KLHL29: variants seen among roughly 807,000 people sequenced by gnomAD.
The protein encoded by KLHL29 is kelch like family member 29, also known as kelch-like protein 29.
A neutral mutation model predicts 80.4 loss-of-function variants in KLHL29; 21 were observed. The ratio of observed to expected loss-of-function variants is 0.26; its 90% CI spans 0.19 to 0.38. The LOEUF is 0.38. Ranked by LOEUF, KLHL29 falls within the 10% of genes least tolerant of loss-of-function variation. The probability of loss-of-function intolerance (pLI) is 1.00; values close to 1 mark genes in which losing one functional copy is unlikely to be tolerated. For missense variants in KLHL29, 867 were observed against 1,223.9 expected, an observed-to-expected ratio of 0.71 and a Z score of 4.35; for synonymous variants, 511 against 526.8, an observed-to-expected ratio of 0.97 and a Z score of 0.41.
chr2:23,593,798 A>C (rs1483077133), intron 3 of KLHL29, among the ~76,000 whole-genome samples: 1 of 152,182 alleles, frequency 6.6e-6, no homozygotes, highest in African/African-American at 2.4e-5. Context: ...CAAGGCAGTG[A>C]ATTCTAAGGG....
intron 5 of KLHL29, among the ~76,000 whole-genome samples, chr2:23,659,882 A>C (rs946440353): frequency 1.3e-5 from 2 of 151,672 alleles, no homozygotes; most frequent in African/African-American, 4.8e-5. Flanking sequence ...CTCCATGGTC[A>C]GAGCAATCTT....
At position 23,691,803 on chromosome 2, in the gene KLHL29, C is replaced by T. The variant is rs375068550; in HGVS notation, c.1209C>T (p.Asn403=). 3.6e-4 allele frequency: 564 copies of T among 1,551,650 alleles called. 1 individual carries two copies. In the African/African-American group the frequency reaches 5.4e-3, roughly 15 times the overall value. ...GCTCCCTGGTCATCGACTCGGCCAA[C>T]GCCAAGACACTGCTGGAGGCGGCCA... ...YTGSLVIDSA[N]AKTLLEAASK... is the part of the protein sequence containing the mutation. Residue 403 remains asparagine, a synonymous_variant, in exon 7 of 14, where the codon AAC becomes AAT. Transcript: ENST00000486442.
chr2:23,492,945 CCT>C (rs1480041460), intron 2 of KLHL29, among the ~76,000 whole-genome samples: 1 of 152,160 alleles, frequency 6.6e-6, no homozygotes, highest in Non-Finnish European at 1.5e-5. Context: ...TCAAGTCCTG[CCT>C]CTCTCCGTTG....
intron 5 of KLHL29, among the ~76,000 whole-genome samples, chr2:23,656,513 G>A (rs1377522699): frequency 1.3e-5 from 2 of 152,224 alleles, no homozygotes; most frequent in East Asian, 1.9e-4. Flanking sequence ...TCCTTCACCC[G>A]ACTTCTGGGG....
intron 1 of KLHL29, among the ~76,000 whole-genome samples, chr2:23,454,220 CCTG>C (rs1663973094): frequency 1.3e-5 from 2 of 152,124 alleles, no homozygotes; most frequent in Non-Finnish European, 2.9e-5. Context: ...AAGCTGGGCC[CCTG>C]ACCCTCCCGC....
intron 1 of KLHL29, among the ~76,000 whole-genome samples, chr2:23,437,442 T>A (rs377365973): frequency 6.6e-6 from 1 of 152,300 alleles, no homozygotes; most frequent in South Asian, 2.1e-4. Context: ...TTTACGTAGG[T>A]GACCTGGTTT....
chr2:23,592,808 G>A (rs1668301140), intron 3 of KLHL29, among the ~76,000 whole-genome samples: 3 of 152,316 alleles, frequency 2.0e-5, no homozygotes, highest in East Asian at 1.9e-4. Flanking sequence ...GCCCCCAAAG[G>A]GGAATGGAAG....
chr2:23,543,213 C>CA (rs1666892661), intron 2 of KLHL29, among the ~76,000 whole-genome samples: 1 of 152,132 alleles, frequency 6.6e-6, no homozygotes, highest in Non-Finnish European at 1.5e-5. Flanking sequence ...CCGAGTCACT[C>CA]GCACACACAT....
intron 3 of KLHL29, among the ~76,000 whole-genome samples, chr2:23,608,910 A>G (rs73919785): frequency 0.013 from 2,020 of 152,358 alleles, 45 homozygotes; most frequent in South Asian, 0.047. Flanking sequence ...TAAGGTGCAG[A>G]TAAGCAATTA....
At chr2:23,517,113 C>T (rs1427487923) in intron 2 of KLHL29, among the ~76,000 whole-genome samples, 2 of 152,222 alleles carry the variant, frequency 1.3e-5, no homozygotes, top group East Asian at 3.8e-4. Context: ...GCCCTGTCTC[C>T]CTGTGCCCGC....
intron 1 of KLHL29, among the ~76,000 whole-genome samples, chr2:23,417,387 T>A (rs1413661256): frequency 6.6e-6 from 1 of 152,224 alleles, no homozygotes; most frequent in African/African-American, 2.4e-5. Context: ...AAGTGAATCA[T>A]CTGCCTGCAA....
At chr2:23,553,229 C>A (rs960277388) in intron 2 of KLHL29, among the ~76,000 whole-genome samples, 4 of 152,250 alleles carry the variant, frequency 2.6e-5, no homozygotes, top group Non-Finnish European at 5.9e-5. Context: ...GGTCTGCACA[C>A]TGGCCCTGGC....
At chr2:23,504,481 G>A (rs1230053444) in intron 2 of KLHL29, among the ~76,000 whole-genome samples, 1 of 152,180 alleles carries the variant, frequency 6.6e-6, no homozygotes, top group Non-Finnish European at 1.5e-5. Context: ...GGGCAGCAAA[G>A]GCGGCTGTCT....
At chr2:23,572,001 A>G (rs1667727709) in intron 3 of KLHL29, among the ~76,000 whole-genome samples, 1 of 152,142 alleles carries the variant, frequency 6.6e-6, no homozygotes, top group African/African-American at 2.4e-5. Context: ...ACCCTGTCCT[A>G]TTATTCATTC....
At chr2:23,486,290 A>T (rs1422774387) in intron 2 of KLHL29, among the ~76,000 whole-genome samples, 1 of 151,926 alleles carries the variant, frequency 6.6e-6, no homozygotes, top group African/African-American at 2.4e-5. Flanking sequence ...TGAACTCCTG[A>T]TCAGCACACA....
At chr2:23,533,045 A>C (rs1380174617) in intron 2 of KLHL29, among the ~76,000 whole-genome samples, 1 of 152,148 alleles carries the variant, frequency 6.6e-6, no homozygotes, top group Non-Finnish European at 1.5e-5. Context: ...CTGGTCTTTG[A>C]CGAGTTCAAG....
Position 23,695,849 on chromosome 2 carries a change from C to G in KLHL29, c.1741+28C>G, listed in dbSNP as rs1469254309. 3 of 1,540,288 alleles carry G rather than the reference C, an allele frequency of 1.9e-6. No homozygotes were observed. Among genetic ancestry groups the G allele is most frequent in the Non-Finnish European group, 1.8e-6 (2 of 1,142,270 alleles). ...ATGAAGGGGCACGCCCCGAACCTCC[C>G]AAGAAGCAGTGTCTTGGGCTCAGTG... On this transcript the variant is annotated intron_variant, in intron 9 of 13. Coordinates refer to ENST00000486442, the MANE Select transcript of KLHL29 (RefSeq NM_052920.2). The surrounding 1 kb of genome is among the most constrained non-coding windows in gnomAD (Gnocchi z 7.6).
At chr2:23,627,184 C>T (rs1017716419) in intron 3 of KLHL29, among the ~76,000 whole-genome samples, 4 of 152,196 alleles carry the variant, frequency 2.6e-5, no homozygotes, top group Admixed American at 1.3e-4. Flanking sequence ...TGAATTTAGA[C>T]GGCATCTGGC....
intron 2 of KLHL29, among the ~76,000 whole-genome samples, chr2:23,492,041 C>G (rs1665118717): frequency 6.6e-6 from 1 of 152,202 alleles, no homozygotes; most frequent in Non-Finnish European, 1.5e-5. Flanking sequence ...CTGCCTCCAC[C>G]TTTTTCCCTC....
Sources: gnomAD v4.1 joint callset for allele counts (sites outside exome capture counted in the v4.1 genomes callset) on GRCh38, gnomAD v4.1.1 for gene constraint, Gnocchi (gnomAD v3.1) non-coding constraint, MANE v1.5 for transcripts, NCBI Gene and HGNC (gene_info 2026-07-23, HGNC 2026-07-21) for gene names.